The following DLG2 variants were observed in gnomAD, a reference collection of about 807,000 sequenced individuals.
DLG2 encodes the protein disks large homolog 2.
In DLG2, 45 loss-of-function variants were observed where a neutral mutation model predicts 132.5. The observed-to-expected ratio is 0.34, with a 90% CI of 0.27 to 0.44. The LOEUF (loss-of-function observed/expected upper bound fraction) is 0.44, where lower values mean the gene tolerates loss of function less well. Ranked by LOEUF, DLG2 falls within the 20% of genes least tolerant of loss-of-function variation. The pLI is 1.00. For missense variants in DLG2, 1,045 were observed against 1,196.9 expected, an observed-to-expected ratio of 0.87 and a Z score of 1.87; for synonymous variants, 424 against 419.6, an observed-to-expected ratio of 1.01 and a Z score of -0.13.
intron 7 of DLG2, among the ~76,000 whole-genome samples, chr11:84,397,606 G>A (rs1040903750): frequency 6.6e-6 from 1 of 152,214 alleles, no homozygotes; most frequent in African/African-American, 2.4e-5. Flanking sequence ...GACAAAAATG[G>A]AAGGAGCAGA....
chr11:84,596,649 GT>G (rs1461539542), intron 6 of DLG2, among the ~76,000 whole-genome samples: 1 of 152,084 alleles, frequency 6.6e-6, no homozygotes, highest in East Asian at 1.9e-4. Flanking sequence ...GAGGGTGTAT[GT>G]AGTCATTTGT....
chr11:84,705,202 G>A (rs911807511), intron 6 of DLG2, among the ~76,000 whole-genome samples: 8 of 151,680 alleles, frequency 5.3e-5, no homozygotes, highest in East Asian at 1.9e-4. Context: ...GAATTCTAAC[G>A]TAGTTGGGAT....
At chr11:84,943,036 G>A (rs1338789208) in intron 6 of DLG2, among the ~76,000 whole-genome samples, 1 of 151,928 alleles carries the variant, frequency 6.6e-6, no homozygotes, top group Non-Finnish European at 1.5e-5. Flanking sequence ...CAAGTATAGT[G>A]ACTCCTGCTC....
At chr11:83,586,486 T>G (rs570476836) in intron 19 of DLG2, among the ~76,000 whole-genome samples, 2 of 152,318 alleles carry the variant, frequency 1.3e-5, no homozygotes, top group African/African-American at 4.8e-5. Context: ...TGTTGTGAGG[T>G]TGAATGAAAT....
chr11:84,563,402 C>G (rs918062496), intron 6 of DLG2, among the ~76,000 whole-genome samples: 1 of 152,148 alleles, frequency 6.6e-6, no homozygotes, highest in Non-Finnish European at 1.5e-5. Context: ...ATTTTTGAGG[C>G]CTCCTTCTAA....
At chr11:85,014,577 C>A (rs1349614576) in intron 6 of DLG2, among the ~76,000 whole-genome samples, 1 of 152,146 alleles carries the variant, frequency 6.6e-6, no homozygotes, top group Non-Finnish European at 1.5e-5. Flanking sequence ...TGGCTCTGCC[C>A]ATGGTAAGGT....
At chr11:84,440,477 C>A (rs2099014021) in intron 7 of DLG2, among the ~76,000 whole-genome samples, 1 of 152,060 alleles carries the variant, frequency 6.6e-6, no homozygotes, top group African/African-American at 2.4e-5. Flanking sequence ...ATTTATACAA[C>A]CATCTTCCCT....
At chr11:83,503,875 C>G (rs1281302491) in intron 21 of DLG2, among the ~76,000 whole-genome samples, 1 of 152,088 alleles carries the variant, frequency 6.6e-6, no homozygotes, top group African/African-American at 2.4e-5. Flanking sequence ...TCAACTTGAA[C>G]CCATACACAT....
chr11:84,279,101 A>C (rs1423233402), intron 7 of DLG2, among the ~76,000 whole-genome samples: 3 of 152,244 alleles, frequency 2.0e-5, no homozygotes, highest in East Asian at 3.8e-4. Flanking sequence ...ATCTACAAAG[A>C]ACTTAAACAA....
At chr11:83,671,863 A>G (rs2076877238) in intron 18 of DLG2, among the ~76,000 whole-genome samples, 1 of 152,146 alleles carries the variant, frequency 6.6e-6, no homozygotes, top group Non-Finnish European at 1.5e-5. Context: ...CAAATCTCCA[A>G]TTGTCTCATT....
chr11:84,976,610 C>G (rs574674025), intron 6 of DLG2, among the ~76,000 whole-genome samples: 2 of 152,110 alleles, frequency 1.3e-5, no homozygotes, highest in African/African-American at 4.8e-5. Flanking sequence ...TTCTAGACTT[C>G]TATTTATTAT....
At chr11:85,175,231 A>G (rs1404378031) in intron 4 of DLG2, among the ~76,000 whole-genome samples, 1 of 152,178 alleles carries the variant, frequency 6.6e-6, no homozygotes, top group Non-Finnish European at 1.5e-5. Flanking sequence ...AATACTGGCA[A>G]ACTGAATACA....
intron 6 of DLG2, among the ~76,000 whole-genome samples, chr11:84,754,362 T>C (rs756099968): frequency 1.5e-4 from 23 of 152,184 alleles, no homozygotes; most frequent in Non-Finnish European, 2.9e-4. Context: ...CTGTATGTTT[T>C]GAAGTGGATG....
At chr11:85,587,907 C>T (rs2079072250) in intron 3 of DLG2, among the ~76,000 whole-genome samples, 1 of 152,130 alleles carries the variant, frequency 6.6e-6, no homozygotes, top group Non-Finnish European at 1.5e-5. Flanking sequence ...TGAATTCACT[C>T]AACATTTGTT....
chr11:83,833,536 TATC>T (rs2055199960), intron 17 of DLG2, 75 bp downstream of exon 17: 2 of 1,416,046 alleles, frequency 1.4e-6, no homozygotes, highest in African/African-American at 2.8e-5. Flanking sequence ...GTGCTTTTGG[TATC>T]ATAATTGAAA....
chr11:84,247,348 A>C (rs967583853), intron 8 of DLG2, among the ~76,000 whole-genome samples: 1 of 152,202 alleles, frequency 6.6e-6, no homozygotes, highest in African/African-American at 2.4e-5. Context: ...AGCAGGCTCT[A>C]ATCACTCTGA....
chr11:83,899,641 C>T (rs748448934), intron 15 of DLG2, among the ~76,000 whole-genome samples: 2 of 151,968 alleles, frequency 1.3e-5, no homozygotes, highest in Non-Finnish European at 2.9e-5. Context: ...TGTCTGCTGC[C>T]ATGTGAGACG....
In DLG2 at chr11:83,484,201, A is replaced by C. The variant is rs774058599; in HGVS notation, c.2221T>G (p.Phe741Val). The C allele has an allele frequency of 8.7e-6, 14 of 1,613,282 alleles. No homozygotes were observed. The East Asian group carries it at 2.9e-4, about 33-fold the overall frequency. Reference protein sequence around the residue: ...GSFNDKRKKSFIFSRKFPFYK... With the variant: ...GSFNDKRKKSVIFSRKFPFYK... ...AATGGGAATTTTCGTGAAAAGATGA[A>C]GCTCTTTTTACGCTTGTCATTGAAT... The change falls in exon 22 of 28, where the codon TTC (phenylalanine) becomes GTC (valine). Residue 741 changes from phenylalanine to valine, a missense_variant. Phe to Val is a conservative substitution (Grantham distance 50, BLOSUM62 -1). This residue lies in a region of DLG2 where 398 missense variants were observed against 543.6 expected (regional missense o/e 0.73). Coordinates refer to ENST00000376104, the MANE Select transcript of DLG2 (RefSeq NM_001142699.3).
At chr11:83,665,393 C>T (rs755063150) in intron 18 of DLG2, among the ~76,000 whole-genome samples, 4 of 152,200 alleles carry the variant, frequency 2.6e-5, no homozygotes, top group Non-Finnish European at 5.9e-5. Flanking sequence ...AAGGGCTTTA[C>T]GTTATGCTAT....
Sources: gnomAD v4.1 joint callset for allele counts (sites outside exome capture counted in the v4.1 genomes callset) on GRCh38, gnomAD v4.1.1 for gene constraint, gnomAD v4.1.1 regional missense constraint, MANE v1.5 for transcripts, NCBI Gene and HGNC (gene_info 2026-07-23, HGNC 2026-07-21) for gene names.